GOSR2: variants seen among roughly 807,000 people sequenced by gnomAD.
GOSR2 encodes the protein 27 kDa Golgi SNARE protein.
Under a neutral mutation model 27.9 loss-of-function variants are expected in GOSR2, and 20 were observed. The observed-to-expected ratio is 0.72, with a 90% confidence interval of 0.50 to 1.04. The LOEUF (loss-of-function observed/expected upper bound fraction) is 1.04. GOSR2 is among the 50% of genes least tolerant of loss of function. The pLI is 0.00. For synonymous variants in GOSR2, 91 were observed against 98.8 expected, an observed-to-expected ratio of 0.92 and a Z score of 0.47; for missense variants, 261 against 270.5, an observed-to-expected ratio of 0.97 and a Z score of 0.25.
Position 46,941,165 on chromosome 17 carries a change from A to G in GOSR2, c.*2405A>G. 3 of 1,006,966 alleles carry G rather than the reference A, an allele frequency of 3.0e-6. No homozygotes were observed. The highest frequency in any genetic ancestry group is 2.4e-6 in the Non-Finnish European group (2 of 841,198). 62.4% of individuals were successfully genotyped at this position (1,006,966 alleles called of 1,614,324 possible). A position where few individuals can be genotyped will look rare whatever the true frequency, so the allele number is the denominator to read the frequency against. On this transcript the variant is annotated 3_prime_UTR_variant, in exon 6 of 6. Transcript: ENST00000640051. ...TCTTTATTACATGGACATTTACTTC[A>G]GGGGGACCACTGTAAGAAAAGCCAA...
rs749239417 is a variant in GOSR2, at chr17:46,940,586, T to G, written c.*1826T>G. ...AAGGATCCTGCCAGACAGCACACTT[T>G]GGAGGAAGGTCTGCAGGGAGCAGCT... On this transcript the variant is annotated 3_prime_UTR_variant, in exon 6 of 6. Transcript: ENST00000640051. The G allele has an allele frequency of 7.4e-6, 12 of 1,614,088 alleles. No homozygotes were observed. Among genetic ancestry groups the G allele is most frequent in the Non-Finnish European group, 1.0e-5 (12 of 1,180,044 alleles).
chr17:46,925,015 A>G (rs1469606302), intron 1 of GOSR2, among the ~76,000 whole-genome samples: 1 of 152,198 alleles, frequency 6.6e-6, no homozygotes, highest in Non-Finnish European at 1.5e-5. Context: ...CACAGAGAAA[A>G]CTGCATGGCT....
At chr17:46,952,532 CAATAAGATATGGGCAGAAG>C (rs1287822877) in intron 6 of GOSR2, 2 of 152,116 alleles carry the variant, frequency 1.3e-5, no homozygotes, top group African/African-American at 2.4e-5. Context: ...CAATTCTGGT[CAATAAGATATGGGCAGAAG>C]TTGCTGGGAG....
chr17:46,940,857 G>A lies in GOSR2; in HGVS notation c.*2097G>A. The A allele has an allele frequency of 7.0e-7, 1 of 1,433,484 alleles. No homozygotes were observed. Among genetic ancestry groups the A allele is most frequent in the Non-Finnish European group, 9.1e-7 (1 of 1,096,160 alleles). The allele number at this position is 1,433,484 out of a possible 1,614,324, so 88.8% of individuals were successfully genotyped here. A position where few individuals can be genotyped will look rare whatever the true frequency, so the allele number is the denominator to read the frequency against. Reference sequence around the variant, plus strand: ...AGCCAGTGTGTCTGGACACCCAGGGGCATTGAGACTGCATGTTGTCACATG... The same window carrying A: ...AGCCAGTGTGTCTGGACACCCAGGGACATTGAGACTGCATGTTGTCACATG... On this transcript the variant is annotated 3_prime_UTR_variant, in exon 6 of 6. Transcript: ENST00000640051.
chr17:46,938,556 G>A, intron 5 of GOSR2, 43 bp from the exon 6 acceptor site: 1 of 1,612,816 alleles, frequency 6.2e-7, no homozygotes. Context: ...TCTTGGTAAA[G>A]CGACTTGATG....
chr17:46,966,443 G>A, intron 6 of GOSR2: 1 of 611,058 alleles, frequency 1.6e-6, no homozygotes, highest in East Asian at 2.9e-5. Flanking sequence ...GACCTGCTGG[G>A]CTTAAGCAAT....
downstream of GOSR2, among the ~76,000 whole-genome samples, chr17:46,970,914 C>A (rs372854275): frequency 5.9e-5 from 9 of 152,314 alleles, no homozygotes; most frequent in African/African-American, 1.7e-4. Flanking sequence ...AATCTCAAAC[C>A]TAATTCTATC....
downstream of GOSR2, among the ~76,000 whole-genome samples, chr17:46,946,845 G>A (rs1255112311): frequency 4.6e-5 from 7 of 152,180 alleles, no homozygotes; most frequent in South Asian, 1.2e-3. Flanking sequence ...CCTGGGTGAC[G>A]AAATGAGACT....
chr17:46,928,159 G>GTTGC lies in GOSR2; in HGVS notation c.30-1358_30-1355dup, dbSNP rs567291723. On this transcript the variant is annotated intron_variant, in intron 1 of 5. Transcript: ENST00000640051. Reference sequence around the variant, plus strand: ...TCTCGGACTCTAGCAGTGATTTCTAGTTGCTTCTCAGGGCCACAGGTCTTG... The same window carrying GTTGC: ...TCTCGGACTCTAGCAGTGATTTCTAGTTGCTTGCTTCTCAGGGCCACAGGTCTTG... Among the ~76,000 whole-genome samples the GTTGC allele has an allele frequency of 5.7e-4, 87 of 152,086 alleles. 1 individual carries two copies. The highest frequency in any genetic ancestry group is 3.1e-3 in the Admixed American group (48 of 15,264).
Position 46,929,574 on chromosome 17 carries a change from G to T in GOSR2, c.84G>T (p.Gln28His). 1 of 1,512,514 alleles carries T rather than the reference G, an allele frequency of 6.6e-7. No individual in the cohort carries two copies. The highest frequency in any genetic ancestry group is 9.2e-7 in the Non-Finnish European group (1 of 1,087,188). The allele number at this position is 1,512,514 out of a possible 1,614,324, so 93.7% of individuals were successfully genotyped here. A position where few individuals can be genotyped will look rare whatever the true frequency, so the allele number is the denominator to read the frequency against. ...CMGRLETADKQSVHIVENEIQ... is the reference protein window; with the variant it reads ...CMGRLETADKHSVHIVENEIQ... ...GACGCCTGGAGACGGCAGACAAGCAGTCTGTGCACAGTGAGTAATTAACTG... is the reference window on the plus strand; with the variant it reads ...GACGCCTGGAGACGGCAGACAAGCATTCTGTGCACAGTGAGTAATTAACTG... The change falls in exon 2 of 6, where the codon CAG becomes CAT. Residue 28 changes from glutamine to histidine, a missense_variant. Physicochemically the swap from Gln to His is conservative, Grantham distance 24 (BLOSUM62 0). Transcript: ENST00000640051.
chr17:46,945,239 G>A (rs569137205), downstream of GOSR2, among the ~76,000 whole-genome samples: 58 of 152,300 alleles, frequency 3.8e-4, no homozygotes, highest in African/African-American at 1.4e-3. Context: ...TCTTCTGCAC[G>A]ACATCCTCCA....
At chr17:46,923,678 G>C (rs1361026327) in intron 1 of GOSR2, 1 of 848,918 alleles carries the variant, frequency 1.2e-6, no homozygotes, top group African/African-American at 1.7e-5. Context: ...TTATACTAAA[G>C]ACCACATTTT....
intron 6 of GOSR2, chr17:46,949,097 C>A (rs1251258783): frequency 6.6e-6 from 1 of 152,246 alleles, no homozygotes; most frequent in Non-Finnish European, 1.5e-5. Context: ...CTCACAGCCT[C>A]TGAGCATAAG....
At chr17:46,945,419 ATGGGGGTGG>A (rs2089763897), downstream of GOSR2, among the ~76,000 whole-genome samples, 1 of 152,126 alleles carries the variant, frequency 6.6e-6, no homozygotes, top group Non-Finnish European at 1.5e-5. Context: ...ACGTAGTGTG[ATGGGGGTGG>A]TGGGATAGTG....
At chr17:46,936,316 T>TG in intron 5 of GOSR2, 3 of 985,278 alleles carry the variant, frequency 3.0e-6, no homozygotes, top group Non-Finnish European at 3.6e-6. Flanking sequence ...GAAGAGCCAG[T>TG]GGGGGTTAGA....
rs1052826518 is a variant in GOSR2 at position 46,939,866 on chromosome 17, T to C, written c.*1106T>C. On this transcript the variant is annotated 3_prime_UTR_variant, in exon 6 of 6. Transcript: ENST00000640051. ...AAAGGCCAATCTGTCCTGAAGTCCA[T>C]CTAATGTGGTGAATCACTGAAAGTC... The C allele has an allele frequency of 1.7e-5, 17 of 994,104 alleles. No homozygotes were observed. The African/African-American group carries it at 2.6e-4, about 15-fold the overall frequency. The allele number at this position is 994,104 out of a possible 1,614,324, so 61.6% of individuals were successfully genotyped here.
chr17:46,923,400 C>G, intron 1 of GOSR2, 179 bp downstream of exon 1: 1 of 1,454,954 alleles, frequency 6.9e-7, no homozygotes, highest in South Asian at 1.4e-5. Context: ...CAGCCACAGA[C>G]AGTGGGTTCA....
intron 2 of GOSR2, chr17:46,929,786 C>T (rs1443895816): frequency 1.8e-6 from 1 of 563,002 alleles, no homozygotes; most frequent in Non-Finnish European, 3.2e-6. Flanking sequence ...GTCTTATCCC[C>T]CATTACCCCT....
At chr17:46,969,080 G>A (rs537289540), downstream of GOSR2, among the ~76,000 whole-genome samples, 1 of 152,212 alleles carries the variant, frequency 6.6e-6, no homozygotes, top group Non-Finnish European at 1.5e-5. Context: ...CATGGCACAG[G>A]TCCTCACAGC....
Sources: gnomAD v4.1 joint callset for allele counts (sites outside exome capture counted in the v4.1 genomes callset) on GRCh38, gnomAD v4.1.1 for gene constraint, MANE v1.5 for transcripts, NCBI Gene and HGNC (gene_info 2026-07-23, HGNC 2026-07-21) for gene names.